CNTNAP5: variants seen among roughly 807,000 people sequenced by gnomAD.
CNTNAP5 encodes the protein contactin-associated protein-like 5.
CNTNAP5 carries 72 observed loss-of-function variants against 150.2 expected under a neutral mutation model. That is an observed-to-expected ratio of 0.48 (90% CI 0.40 to 0.58). CNTNAP5 has a LOEUF of 0.58. Among genes scored for constraint, CNTNAP5 ranks in the 20% least tolerant of loss-of-function variants. CNTNAP5 has a pLI of 0.00. For missense variants in CNTNAP5, 1,636 were observed against 1,626.2 expected (o/e 1.01, Z -0.10); for synonymous variants, 672 against 619.8 (o/e 1.08, Z -1.25).
At chr2:124,437,990 A>G (rs1692577000) in intron 5 of CNTNAP5, among the ~76,000 whole-genome samples, 1 of 152,178 alleles carries the variant, frequency 6.6e-6, no homozygotes, top group Non-Finnish European at 1.5e-5. Context: ...CTAAGAGTGA[A>G]GAAGTTCAGC....
chr2:124,634,975 C>T (rs903279353), intron 12 of CNTNAP5, among the ~76,000 whole-genome samples: 2 of 152,152 alleles, frequency 1.3e-5, no homozygotes, highest in Non-Finnish European at 2.9e-5. Flanking sequence ...GCTGATTACC[C>T]AATTCCAAAG....
At chr2:124,662,915 G>A (rs146702112) in intron 13 of CNTNAP5, among the ~76,000 whole-genome samples, 19 of 152,280 alleles carry the variant, frequency 1.2e-4, no homozygotes, top group African/African-American at 4.3e-4. Context: ...CTTTATGGAG[G>A]AAACACTTAA....
intron 17 of CNTNAP5, among the ~76,000 whole-genome samples, chr2:124,779,814 ACTATCTCCTC>A (rs1558772355): frequency 2.6e-5 from 4 of 152,086 alleles, no homozygotes; most frequent in Non-Finnish European, 5.9e-5. Flanking sequence ...AGTCAGATGA[ACTATCTCCTC>A]TCAAGGGAGT....
intron 1 of CNTNAP5, among the ~76,000 whole-genome samples, chr2:124,149,403 CAAAAAAAA>C (rs71394025): frequency 7.2e-5 from 6 of 82,808 alleles, no homozygotes; most frequent in African/African-American, 2.5e-4. Flanking sequence ...GCGTCAATTG[CAAAAAAAA>C]AAAAAAAAAA....
At chr2:124,352,269 T>A (rs1317820474) in intron 3 of CNTNAP5, among the ~76,000 whole-genome samples, 1 of 152,126 alleles carries the variant, frequency 6.6e-6, no homozygotes, top group East Asian at 1.9e-4. Flanking sequence ...TTGAAGGGAA[T>A]AAGAAGAAAA....
intron 1 of CNTNAP5, among the ~76,000 whole-genome samples, chr2:124,205,069 G>A (rs967488071): frequency 9.9e-5 from 15 of 152,190 alleles, no homozygotes; most frequent in African/African-American, 3.6e-4. Flanking sequence ...ACTAGTGACA[G>A]TAGAGTACAC....
intron 3 of CNTNAP5, among the ~76,000 whole-genome samples, chr2:124,244,502 A>AG (rs750347968): frequency 6.6e-6 from 1 of 152,132 alleles, no homozygotes; most frequent in African/African-American, 2.4e-5. Flanking sequence ...AAGGAAAGGC[A>AG]GGGCCCTCCG....
At chr2:124,442,227 G>T (rs73952971) in intron 5 of CNTNAP5, among the ~76,000 whole-genome samples, 2 of 152,070 alleles carry the variant, frequency 1.3e-5, no homozygotes, top group African/African-American at 4.8e-5. Context: ...TCTGCTTCCC[G>T]CAGTGGAGAT....
chr2:124,098,483 C>T (rs1682991259), intron 1 of CNTNAP5, among the ~76,000 whole-genome samples: 1 of 152,174 alleles, frequency 6.6e-6, no homozygotes, highest in Non-Finnish European at 1.5e-5. Context: ...GACATAACAG[C>T]TAATTGCTTT....
At chr2:124,363,715 C>T (rs1365689896) in intron 3 of CNTNAP5, among the ~76,000 whole-genome samples, 2 of 152,094 alleles carry the variant, frequency 1.3e-5, no homozygotes, top group Non-Finnish European at 2.9e-5. Flanking sequence ...TTACCACATA[C>T]ACACAAAAGG....
chr2:124,410,071 G>T (rs924292003), intron 3 of CNTNAP5, among the ~76,000 whole-genome samples: 4 of 151,962 alleles, frequency 2.6e-5, no homozygotes, highest in African/African-American at 9.7e-5. Flanking sequence ...AAAAGGCAGG[G>T]GTTGCCATCC....
At chr2:124,605,470 TA>T (rs964250380) in intron 11 of CNTNAP5, among the ~76,000 whole-genome samples, 1 of 152,218 alleles carries the variant, frequency 6.6e-6, no homozygotes, top group African/African-American at 2.4e-5. Context: ...AATATTGCTT[TA>T]AATAATTCCT....
intron 10 of CNTNAP5, among the ~76,000 whole-genome samples, chr2:124,552,102 A>G (rs945408368): frequency 6.6e-6 from 1 of 152,170 alleles, no homozygotes; most frequent in African/African-American, 2.4e-5. Flanking sequence ...ACATGAATCA[A>G]TAGGGGGCAA....
At chr2:124,828,630 G>C (rs966390196) in intron 19 of CNTNAP5, among the ~76,000 whole-genome samples, 1 of 148,812 alleles carries the variant, frequency 6.7e-6, no homozygotes, top group African/African-American at 2.5e-5. Context: ...TGAATAGTTG[G>C]ATTAGCCTGA....
chr2:124,677,952 C>G (rs1307659828), intron 13 of CNTNAP5, among the ~76,000 whole-genome samples: 1 of 151,954 alleles, frequency 6.6e-6, no homozygotes, highest in Non-Finnish European at 1.5e-5. Context: ...GTGGGCTGAC[C>G]TGGCTAAAAA....
intron 5 of CNTNAP5, among the ~76,000 whole-genome samples, chr2:124,437,307 G>C (rs1414037956): frequency 2.6e-5 from 4 of 152,056 alleles, no homozygotes; most frequent in Non-Finnish European, 5.9e-5. Flanking sequence ...TCTGACAATG[G>C]GGTATATTTA....
chr2:124,660,943 C>CAAAAAAA (rs34511096), intron 13 of CNTNAP5, among the ~76,000 whole-genome samples: 1 of 104,152 alleles, frequency 9.6e-6, no homozygotes, highest in Non-Finnish European at 1.9e-5. Context: ...GACTGGGTCT[C>CAAAAAAA]AAAAAAAAAA....
intron 1 of CNTNAP5, among the ~76,000 whole-genome samples, chr2:124,158,699 A>G (rs1573799785): frequency 1.3e-5 from 2 of 152,138 alleles, no homozygotes; most frequent in African/African-American, 4.8e-5. Context: ...AGGATATTTT[A>G]TTTGTTTCTG....
At chr2:124,852,061 C>T (rs1683170149) in intron 19 of CNTNAP5, among the ~76,000 whole-genome samples, 1 of 152,034 alleles carries the variant, frequency 6.6e-6, no homozygotes, top group Non-Finnish European at 1.5e-5. Context: ...TGAGATTAAC[C>T]CTTACACTAA....
Sources: gnomAD v4.1 joint callset for allele counts (sites outside exome capture counted in the v4.1 genomes callset) on GRCh38, gnomAD v4.1.1 for gene constraint, MANE v1.5 for transcripts, NCBI Gene and HGNC (gene_info 2026-07-23, HGNC 2026-07-21) for gene names.